The following RANBP3L variants were observed in gnomAD, a reference collection of about 807,000 sequenced individuals.
The protein encoded by RANBP3L is RAN binding protein 3 like, also known as ran-binding protein 3-like.
In RANBP3L, 56 loss-of-function variants were observed where a neutral mutation model predicts 67.2. That is an observed-to-expected ratio of 0.83 (90% CI 0.67 to 1.04). The LOEUF (loss-of-function observed/expected upper bound fraction) is 1.04. Among genes scored for constraint, RANBP3L ranks in the 50% least tolerant of loss-of-function variants. The probability of loss-of-function intolerance (pLI) is 0.00; values close to 1 mark genes in which losing one functional copy is unlikely to be tolerated. For synonymous variants in RANBP3L, 164 were observed against 181.4 expected (o/e 0.90, Z 0.77); for missense variants, 496 against 535.5 (o/e 0.93, Z 0.73).
intron 8 of RANBP3L, among the ~76,000 whole-genome samples, 170 bp downstream of exon 8, chr5:36,260,610 T>G (rs1749311439): frequency 6.6e-6 from 1 of 152,154 alleles, no homozygotes; most frequent in East Asian, 1.9e-4. Context: ...TTTTAACAAC[T>G]AGGACATGCT....
chr5:36,264,025 A>G (rs59754678), intron 6 of RANBP3L, among the ~76,000 whole-genome samples: 13,852 of 152,280 alleles, frequency 0.091, 1,804 homozygotes, highest in African/African-American at 0.28. Flanking sequence ...TACAAAGTAA[A>G]GAGTTTAGGA....
At chr5:36,271,198 G>T in intron 2 of RANBP3L, 55 bp downstream of exon 2, 1 of 1,016,230 alleles carries the variant, frequency 9.8e-7, no homozygotes, top group Non-Finnish European at 1.6e-6. Context: ...CTAGCTTCCT[G>T]AAATATAATT....
At chr5:36,268,416 A>C (rs1749963397) in intron 4 of RANBP3L, 4 of 532,318 alleles carry the variant, frequency 7.5e-6, no homozygotes, top group Non-Finnish European at 1.3e-5. Context: ...ACATCTGATG[A>C]AGATGATAAA....
At chr5:36,275,331 T>C (rs968791223) in intron 1 of RANBP3L, among the ~76,000 whole-genome samples, 3 of 152,234 alleles carry the variant, frequency 2.0e-5, no homozygotes, top group African/African-American at 7.2e-5. Flanking sequence ...CCTCACTAAA[T>C]GCATACCATT....
chr5:36,275,624 G>A (rs1269325321), intron 1 of RANBP3L, among the ~76,000 whole-genome samples: 1 of 152,024 alleles, frequency 6.6e-6, no homozygotes, highest in Non-Finnish European at 1.5e-5. Context: ...GTGTAGGGGA[G>A]GAAGAGGAAG....
At chr5:36,259,647 C>T (rs1436589727) in intron 8 of RANBP3L, among the ~76,000 whole-genome samples, 4 of 151,830 alleles carry the variant, frequency 2.6e-5, no homozygotes, top group South Asian at 2.1e-4. Flanking sequence ...AATCTAAATC[C>T]GTACATGGGT....
rs1285938202 is a variant in RANBP3L, at chr5:36,264,121, A to G, written c.480+838T>C. On this transcript the variant is annotated intron_variant, in intron 6 of 13. Coordinates refer to ENST00000296604, the MANE Select transcript of RANBP3L (RefSeq NM_145000.5). ...GATGTTGAATGGGTGCTTTGTTTAG[A>G]TAAACAAAGATAGCAGCAGAGGCAA... Among the ~76,000 whole-genome samples the G allele has an allele frequency of 3.9e-5, 6 of 152,202 alleles. No individual in the cohort carries two copies. The East Asian group carries it at 1.2e-3, about 29-fold the overall frequency.
In RANBP3L at chr5:36,256,941, C is replaced by G. The variant is rs1373576153; in HGVS notation, c.903G>C (p.Lys301Asn). 2 of 1,612,328 alleles carry G rather than the reference C, an allele frequency of 1.2e-6. No homozygotes were observed. The highest frequency in any genetic ancestry group is 1.1e-5 in the South Asian group (1 of 90,886). ...TGEETEHNVLKINCKLFIFNK... is the reference protein window; with the variant it reads ...TGEETEHNVLNINCKLFIFNK... Reference sequence around the variant, plus strand: ...AAAGAGTAAAACATGATATACAGACCTTTAACACATTATGTTCTGTTTCCT... The same window carrying G: ...AAAGAGTAAAACATGATATACAGACGTTTAACACATTATGTTCTGTTTCCT... Residue 301 changes from lysine to asparagine, a missense_variant and splice_region_variant, in exon 10 of 14, where the codon AAG becomes AAC. Lys to Asn is a moderately conservative substitution (Grantham distance 94, BLOSUM62 0). Transcript: ENST00000296604.
intron 1 of RANBP3L, among the ~76,000 whole-genome samples, chr5:36,291,146 T>G (rs1423110102): frequency 6.6e-6 from 1 of 151,866 alleles, no homozygotes; most frequent in African/African-American, 2.4e-5. Flanking sequence ...CATGTTTGTA[T>G]AACCAATCTC....
intron 5 of RANBP3L, 45 bp downstream of exon 5, chr5:36,265,404 G>GT: frequency 7.8e-7 from 1 of 1,279,328 alleles, no homozygotes; most frequent in Middle Eastern, 1.9e-4. Context: ...AATATAGGTG[G>GT]TAAAATATAC....
At position 36,253,783 on chromosome 5, in the gene RANBP3L, C is replaced by T. The variant is rs148931743; in HGVS notation, c.1031G>A (p.Arg344His). 7.9e-5 allele frequency: 127 copies of T among 1,611,996 alleles called. No individual in the cohort carries two copies. Among genetic ancestry groups the T allele is most frequent in the Middle Eastern group, 1.6e-4 (1 of 6,072 alleles). ...GATCAGCCTTAGACTGCCTTGATTG[C>T]GCATAACTAAAATAGGAAGGTGACT... The part of the protein sequence containing the change: ...CGTLQSRLIM[R>H]NQGSLRLILN... The change falls in exon 12 of 14, where the codon CGC becomes CAC. Residue 344 changes from arginine (R) to histidine (H), a missense_variant. Coordinates refer to ENST00000296604, the MANE Select transcript of RANBP3L (RefSeq NM_145000.5).
chr5:36,271,332 G>A, intron 1 of RANBP3L, 21 bp from the exon 2 acceptor site: 1 of 1,499,044 alleles, frequency 6.7e-7, no homozygotes, highest in Non-Finnish European at 9.3e-7. Flanking sequence ...AAAGAAAACA[G>A]GCAAGAAATC....
chr5:36,288,494 C>G (rs892109714), intron 1 of RANBP3L, among the ~76,000 whole-genome samples: 4 of 152,056 alleles, frequency 2.6e-5, no homozygotes, highest in African/African-American at 9.7e-5. Flanking sequence ...TGGAAAAATA[C>G]CTAAATACGG....
chr5:36,289,953 A>G (rs1751598912), intron 1 of RANBP3L, among the ~76,000 whole-genome samples: 1 of 152,108 alleles, frequency 6.6e-6, no homozygotes, highest in South Asian at 2.1e-4. Context: ...ATCTCTGTTT[A>G]TTTTTCCTAA....
intron 1 of RANBP3L, among the ~76,000 whole-genome samples, chr5:36,280,322 C>T (rs1031443989): frequency 5.3e-5 from 8 of 152,184 alleles, no homozygotes; most frequent in East Asian, 1.9e-4. Context: ...CTTCTCACCC[C>T]AAACGTAACT....
intron 1 of RANBP3L, among the ~76,000 whole-genome samples, chr5:36,300,985 C>T (rs2112204230): frequency 6.6e-6 from 1 of 152,262 alleles, no homozygotes; most frequent in Non-Finnish European, 1.5e-5. Context: ...GAGAAAGCTC[C>T]AGGCTAACTT....
intron 1 of RANBP3L, among the ~76,000 whole-genome samples, chr5:36,272,982 C>T (rs868195176): frequency 7.2e-5 from 11 of 152,080 alleles, no homozygotes; most frequent in Non-Finnish European, 7.4e-5. Flanking sequence ...ATGCTGTCTT[C>T]CCTTGGAGCC....
intron 1 of RANBP3L, among the ~76,000 whole-genome samples, chr5:36,296,998 C>CCTCTCTCTCACCCTCTCTCTT (rs1752262588): frequency 6.6e-6 from 1 of 151,954 alleles, no homozygotes. Flanking sequence ...AATAAATCCC[C>CCTCTCTCTCACCCTCTCTCTT]CTCTCTCTCA....
At position 36,248,899 on chromosome 5, in the gene RANBP3L, A is replaced by G. The variant is rs1213068242; in HGVS notation, c.*755T>C. The G allele has an allele frequency of 3.3e-5, 5 of 152,160 alleles. No individual in the cohort carries two copies. Among genetic ancestry groups the G allele is most frequent in the Non-Finnish European group, 5.9e-5 (4 of 67,976 alleles). The allele number at this position is 152,160 out of a possible 1,614,324, so 9.4% of individuals were successfully genotyped here. On this transcript the variant is annotated 3_prime_UTR_variant, in exon 14 of 14. Coordinates refer to ENST00000296604, the MANE Select transcript of RANBP3L (RefSeq NM_145000.5). ...CTACATATGATACATTTGTTTTTCT[A>G]TACAGCCCCATCTACTAAAATACTA...
Sources: allele counts gnomAD v4.1 joint callset (sites outside exome capture counted in the v4.1 genomes callset), GRCh38; gene constraint gnomAD v4.1.1; transcripts MANE v1.5; gene names NCBI Gene and HGNC (gene_info 2026-07-23, HGNC 2026-07-21).